The following CDC42BPA variants were observed in gnomAD, a reference collection of about 807,000 sequenced individuals.
CDC42BPA encodes the protein serine/threonine-protein kinase MRCK alpha.
Under a neutral mutation model 223.5 loss-of-function variants are expected in CDC42BPA, and 80 were observed. The ratio of observed to expected loss-of-function variants is 0.36; its 90% CI spans 0.30 to 0.43. The LOEUF is 0.43. Among genes scored for constraint, CDC42BPA ranks in the 20% least tolerant of loss-of-function variants. CDC42BPA has a pLI of 1.00. For synonymous variants in CDC42BPA, 694 were observed against 718.6 expected (o/e 0.97, Z 0.55); for missense variants, 1,743 against 2,099.9 (o/e 0.83, Z 3.32).
chr1:227,162,535 C>A (rs951670455), intron 5 of CDC42BPA, among the ~76,000 whole-genome samples: 18 of 152,160 alleles, frequency 1.2e-4, no homozygotes, highest in Non-Finnish European at 2.5e-4. Flanking sequence ...TATTATGCTT[C>A]ATCAGCTGGG....
chr1:227,222,052 CAAAAAAAAAAAAAA>C (rs60588018), intron 2 of CDC42BPA, among the ~76,000 whole-genome samples: 1 of 86,496 alleles, frequency 1.2e-5, no homozygotes, highest in Non-Finnish European at 2.3e-5. Flanking sequence ...CTATCTCTAC[CAAAAAAAAAAAAAA>C]AAAAAAAAAA....
In CDC42BPA at chr1:226,994,546, G is replaced by A. The variant is rs552325044; in HGVS notation, c.5134-147C>T. Reference sequence around the variant, plus strand: ...TGTCGGTATAAAGCCCCTTCTATGAGCTGAGGAAGAGGCACGGAACATACA... The same window carrying A: ...TGTCGGTATAAAGCCCCTTCTATGAACTGAGGAAGAGGCACGGAACATACA... On this transcript the variant is annotated intron_variant, in intron 36 of 36. Transcript: ENST00000366766. The surrounding 1 kb of genome is among the most constrained non-coding windows in gnomAD (Gnocchi z 4.0). 7 of 948,908 alleles carry A rather than the reference G, an allele frequency of 7.4e-6. No individual in the cohort carries two copies. In the Admixed American group the frequency reaches 1.2e-4, roughly 17 times the overall value. 58.8% of individuals were successfully genotyped at this position (948,908 alleles called of 1,614,324 possible).
intron 10 of CDC42BPA, 58 bp from the exon 11 acceptor site, chr1:227,129,289 T>C: frequency 8.3e-7 from 1 of 1,204,216 alleles, no homozygotes; most frequent in Non-Finnish European, 1.2e-6. Flanking sequence ...TTCTTAAAAC[T>C]AATAACATTA....
At chr1:227,281,612 G>A (rs1419314513) in intron 1 of CDC42BPA, among the ~76,000 whole-genome samples, 1 of 152,206 alleles carries the variant, frequency 6.6e-6, no homozygotes, top group Non-Finnish European at 1.5e-5. Context: ...CTGAGCCAGA[G>A]GTAGTGGGAC....
At chr1:227,176,416 C>T (rs1432905426) in intron 5 of CDC42BPA, among the ~76,000 whole-genome samples, 1 of 152,082 alleles carries the variant, frequency 6.6e-6, no homozygotes, top group Non-Finnish European at 1.5e-5. Context: ...ACGTTATAAA[C>T]ACAACAATGT....
At chr1:227,213,438 G>A (rs1674287331) in intron 2 of CDC42BPA, among the ~76,000 whole-genome samples, 1 of 152,026 alleles carries the variant, frequency 6.6e-6, no homozygotes, top group Non-Finnish European at 1.5e-5. Flanking sequence ...GTATTAGTTG[G>A]TATTTGTGAA....
At chr1:227,257,020 T>C (rs1255847015) in intron 1 of CDC42BPA, among the ~76,000 whole-genome samples, 3 of 147,992 alleles carry the variant, frequency 2.0e-5, no homozygotes, top group African/African-American at 7.5e-5. Flanking sequence ...AAAATGAAGT[T>C]AAGGTCTGAT....
intron 16 of CDC42BPA, among the ~76,000 whole-genome samples, chr1:227,086,334 C>T (rs993865688): frequency 6.6e-6 from 1 of 152,140 alleles, no homozygotes; most frequent in Non-Finnish European, 1.5e-5. Flanking sequence ...CAATTCTTTT[C>T]AGTAAATAGG....
chr1:227,234,356 C>T (rs1001963283), intron 2 of CDC42BPA: 1 of 152,096 alleles, frequency 6.6e-6, no homozygotes, highest in Non-Finnish European at 1.5e-5. Flanking sequence ...AATGGGTCTG[C>T]CCAAAAAATG....
At chr1:227,264,810 C>T in intron 1 of CDC42BPA, 1 of 1,386,902 alleles carries the variant, frequency 7.2e-7, no homozygotes, top group Admixed American at 1.7e-5. Flanking sequence ...ACAGAATCTT[C>T]TTGCTTTTTT....
Position 226,992,665 on chromosome 1 carries a change from C to T in CDC42BPA, c.*1603G>A, listed in dbSNP as rs1660897632. 2 of 152,224 alleles carry T rather than the reference C, an allele frequency of 1.3e-5. No individual in the cohort carries two copies. The highest frequency in any genetic ancestry group is 2.4e-5 in the African/African-American group (1 of 41,452). 9.4% of individuals were successfully genotyped at this position (152,224 alleles called of 1,614,324 possible). A position where few individuals can be genotyped will look rare whatever the true frequency, so the allele number is the denominator to read the frequency against. ...TTTCACTGAATTTTAAAGAGAGAAT[C>T]CTGTCTCTATTTCTCAGAGAAACTT... On this transcript the variant is annotated 3_prime_UTR_variant, in exon 37 of 37. Transcript: ENST00000366766.
At chr1:227,073,300 T>C (rs1184778668) in intron 19 of CDC42BPA, among the ~76,000 whole-genome samples, 5 of 152,176 alleles carry the variant, frequency 3.3e-5, no homozygotes, top group African/African-American at 1.2e-4. Flanking sequence ...TATGATTCAC[T>C]CTAGTGTTGT....
intron 14 of CDC42BPA, among the ~76,000 whole-genome samples, chr1:227,105,347 G>T (rs1213226252): frequency 1.4e-5 from 2 of 140,086 alleles, no homozygotes; most frequent in Non-Finnish European, 3.0e-5. Context: ...CTGTGAATTT[G>T]CCTATTCTCT....
intron 15 of CDC42BPA, 119 bp downstream of exon 15, chr1:227,100,873 A>G (rs1371170133): frequency 9.4e-6 from 6 of 640,984 alleles, no homozygotes; most frequent in Non-Finnish European, 1.6e-5. Flanking sequence ...CTATCTGCCA[A>G]TCCTGACTTT....
intron 8 of CDC42BPA, 102 bp from the exon 9 acceptor site, chr1:227,143,126 G>T: frequency 9.2e-6 from 6 of 653,730 alleles, no homozygotes; most frequent in Non-Finnish European, 1.4e-5. Flanking sequence ...AAAAAAAATT[G>T]TGACTGTTCA....
At chr1:227,274,157 C>G (rs1055316322) in intron 1 of CDC42BPA, among the ~76,000 whole-genome samples, 2 of 151,896 alleles carry the variant, frequency 1.3e-5, no homozygotes, top group African/African-American at 2.4e-5. Flanking sequence ...TAACAATATA[C>G]AGTTCATGAA....
chr1:227,035,632 T>C (rs752070164), intron 24 of CDC42BPA, 25 bp from the exon 25 acceptor site: 2 of 1,547,712 alleles, frequency 1.3e-6, no homozygotes, highest in Non-Finnish European at 1.7e-6. Flanking sequence ...AAAGAAACGT[T>C]TGATAAAAAT....
intron 21 of CDC42BPA, among the ~76,000 whole-genome samples, chr1:227,057,429 A>G (rs1674814438): frequency 2.0e-5 from 3 of 152,284 alleles, no homozygotes; most frequent in African/African-American, 4.8e-5. Flanking sequence ...TATAACATAA[A>G]ATCTTATGCT....
rs1663703367 is a variant in CDC42BPA at position 227,160,632 on chromosome 1, T to C, written c.604A>G (p.Ile202Val). The C allele has an allele frequency of 2.0e-6, 3 of 1,536,000 alleles. No homozygotes were observed. Among genetic ancestry groups the C allele is most frequent in the African/African-American group, 2.7e-5 (2 of 72,922 alleles). ...TCCATCAGTATATTGTCAGGTTTAATGTCTCTGAAAAAATAAATAAATTCA... is the reference window on the plus strand; with the variant it reads ...TCCATCAGTATATTGTCAGGTTTAACGTCTCTGAAAAAATAAATAAATTCA... ...VHQLHYVHRDIKPDNILMDMN... is the reference protein window; with the variant it reads ...VHQLHYVHRDVKPDNILMDMN... The change falls in exon 6 of 37, where the codon ATT becomes GTT. Residue 202 changes from isoleucine (I) to valine (V), a missense_variant. By Grantham distance (29) the Ile-to-Val change is conservative. Around this residue, in one of 6 missense-constraint regions of CDC42BPA, gnomAD observed 321 missense variants for 488.7 expected, o/e 0.66. Transcript: ENST00000366766.
Sources: gnomAD v4.1 joint callset for allele counts (sites outside exome capture counted in the v4.1 genomes callset) on GRCh38, gnomAD v4.1.1 for gene constraint, gnomAD v4.1.1 regional missense constraint, Gnocchi (gnomAD v3.1) non-coding constraint, MANE v1.5 for transcripts, NCBI Gene and HGNC (gene_info 2026-07-23, HGNC 2026-07-21) for gene names.